ACO2: variants seen among roughly 807,000 people sequenced by gnomAD.
The protein encoded by ACO2 is aconitase 2.
ACO2 carries 31 observed loss-of-function variants against 84.5 expected under a neutral mutation model. The ratio of observed to expected loss-of-function variants is 0.37; its 90% confidence interval spans 0.28 to 0.50. ACO2 has a LOEUF of 0.50. Ranked by LOEUF, ACO2 falls within the 20% of genes least tolerant of loss-of-function variation. The pLI, the probability that ACO2 is intolerant of heterozygous loss-of-function variation, is 0.97. For synonymous variants in ACO2, 414 were observed against 412.7 expected (o/e 1.00, Z -0.04); for missense variants, 685 against 1,029.3 (o/e 0.67, Z 4.58).
intron 1 of ACO2, among the ~76,000 whole-genome samples, chr22:41,480,112 TACCAGGA>T (rs1002287948): frequency 6.6e-6 from 1 of 152,232 alleles, no homozygotes; most frequent in Non-Finnish European, 1.5e-5. Context: ...AGGCATCGCC[TACCAGGA>T]GGGGGAGAAA....
intron 2 of ACO2, among the ~76,000 whole-genome samples, chr22:41,504,172 C>T (rs1043687605): frequency 6.6e-6 from 1 of 152,234 alleles, no homozygotes; most frequent in Non-Finnish European, 1.5e-5. Context: ...GCTGAGACCA[C>T]ACCACAGCAC....
intron 7 of ACO2, among the ~76,000 whole-genome samples, chr22:41,518,258 A>AGC (rs2066491381): frequency 6.6e-6 from 1 of 152,198 alleles, no homozygotes; most frequent in Non-Finnish European, 1.5e-5. Flanking sequence ...CCCGGCTCTG[A>AGC]ACCTTAGCTG....
intron 2 of ACO2, 44 bp from the exon 3 acceptor site, chr22:41,507,747 C>G: frequency 6.3e-7 from 1 of 1,584,370 alleles, no homozygotes; most frequent in Non-Finnish European, 8.6e-7. Flanking sequence ...GGGAGGAGGC[C>G]GTGCAGCTAG....
At chr22:41,488,267 C>T (rs1288332290) in intron 1 of ACO2, among the ~76,000 whole-genome samples, 2 of 152,180 alleles carry the variant, frequency 1.3e-5, no homozygotes, top group Non-Finnish European at 2.9e-5. Context: ...GGGACGTGGG[C>T]ATGTCAAGAT....
chr22:41,513,462 T>C (rs2066451855), intron 4 of ACO2, among the ~76,000 whole-genome samples: 1 of 152,218 alleles, frequency 6.6e-6, no homozygotes, highest in Admixed American at 6.5e-5. Context: ...CCTGAACCCC[T>C]TTCCCTCTGG....
chr22:41,510,283 C>T (rs2066424434), intron 3 of ACO2, among the ~76,000 whole-genome samples: 1 of 152,216 alleles, frequency 6.6e-6, no homozygotes, highest in Non-Finnish European at 1.5e-5. Flanking sequence ...TCCTCCCACA[C>T]CCCTTCCTCA....
intron 2 of ACO2, among the ~76,000 whole-genome samples, chr22:41,501,759 C>T (rs141357795): frequency 6.6e-6 from 1 of 152,094 alleles, no homozygotes; most frequent in East Asian, 1.9e-4. Context: ...TAACCACTAC[C>T]CCATACTCCC....
At chr22:41,516,835 G>T (rs1200951321) in intron 6 of ACO2, among the ~76,000 whole-genome samples, 1 of 152,120 alleles carries the variant, frequency 6.6e-6, no homozygotes, top group East Asian at 1.9e-4. Context: ...CAATTCTCCG[G>T]TCTCAGCCTC....
intron 17 of ACO2, 40 bp downstream of exon 17, chr22:41,528,062 G>T: frequency 5.0e-6 from 8 of 1,613,190 alleles, no homozygotes; most frequent in Non-Finnish European, 6.8e-6. Context: ...GGGGTGAGGG[G>T]CAGCCACCTT....
chr22:41,487,747 C>T (rs187993590), intron 1 of ACO2, among the ~76,000 whole-genome samples: 57 of 152,058 alleles, frequency 3.7e-4, no homozygotes, highest in Admixed American at 1.8e-3. Context: ...GATGAGAATC[C>T]ACCTGCCTGC....
intron 1 of ACO2, among the ~76,000 whole-genome samples, chr22:41,470,044 T>G (rs949453663): frequency 5.9e-5 from 9 of 152,244 alleles, no homozygotes; most frequent in Admixed American, 2.6e-4. Flanking sequence ...AATAAGTTGC[T>G]TGTCAAATAT....
chr22:41,483,086 G>A (rs1482060478), intron 1 of ACO2, among the ~76,000 whole-genome samples: 1 of 152,198 alleles, frequency 6.6e-6, no homozygotes, highest in Admixed American at 6.5e-5. Context: ...CAGCCCCTTT[G>A]TTCCCCAGAA....
At chr22:41,481,985 A>G (rs169361) in intron 1 of ACO2, among the ~76,000 whole-genome samples, 125,306 of 152,216 alleles carry the variant, frequency 0.82, 52,639 homozygotes, top group African/African-American at 0.95. Flanking sequence ...ACCTGTAGTA[A>G]TCCCACTTGG....
intron 4 of ACO2, 27 bp downstream of exon 4, chr22:41,511,995 C>T (rs376971015): frequency 3.2e-6 from 5 of 1,576,390 alleles, no homozygotes; most frequent in Middle Eastern, 3.4e-4. Flanking sequence ...TCTGCCGTCC[C>T]AAGGGCCCAA....
intron 1 of ACO2, among the ~76,000 whole-genome samples, chr22:41,488,042 C>G (rs2066243629): frequency 6.6e-6 from 1 of 152,156 alleles, no homozygotes; most frequent in South Asian, 2.1e-4. Context: ...CTGATAAAAT[C>G]TTGCCTACTT....
chr22:41,480,507 G>A (rs754470483), intron 1 of ACO2, among the ~76,000 whole-genome samples: 2 of 152,196 alleles, frequency 1.3e-5, no homozygotes, highest in African/African-American at 4.8e-5. Flanking sequence ...AGAAGTAGGC[G>A]GCATAGTGGA....
chr22:41,515,776 G>C lies in ACO2; in HGVS notation c.694G>C (p.Val232Leu), dbSNP rs1301732484. The change falls in exon 6 of 18, where the codon GTG (valine) becomes CTG (leucine). Residue 232 changes from valine (V) to leucine (L), a missense_variant. Val to Leu is a conservative substitution (Grantham distance 32). Around this residue, in one of 5 missense-constraint regions of ACO2, gnomAD observed 92 missense variants for 203.7 expected, o/e 0.45. Transcript: ENST00000216254. The surrounding 1 kb of genome is among the most constrained non-coding windows in gnomAD (Gnocchi z 5.8). Reference sequence around the variant, plus strand: ...GCCCCCTCCTGTCCAGGTGATTGGCGTGAAGCTGACGGGCTCTCTCTCCGG... The same window carrying C: ...GCCCCCTCCTGTCCAGGTGATTGGCCTGAAGCTGACGGGCTCTCTCTCCGG... ...WELKCPKVIG[V>L]KLTGSLSGWS... is the part of the protein sequence containing the mutation. 6.2e-7 allele frequency: 1 copy of C among 1,613,402 alleles called. No homozygotes were observed. The highest frequency in any genetic ancestry group is 1.3e-5 in the African/African-American group (1 of 74,908).
At position 41,471,383 on chromosome 22, in the gene ACO2, G is replaced by C. The variant is rs1333005199; in HGVS notation, c.36+2201G>C. Among the ~76,000 whole-genome samples, 5 of 152,122 alleles carry C rather than the reference G, an allele frequency of 3.3e-5. No homozygotes were observed. The South Asian group carries it at 8.3e-4, about 25-fold the overall frequency. On this transcript the variant is annotated intron_variant, in intron 1 of 17. Transcript: ENST00000216254. ...GCTGTCTCAAATAACCAACTAACAC[G>C]GTTTCTCTGAGAAGCTTGTATATTT...
intron 1 of ACO2, among the ~76,000 whole-genome samples, chr22:41,482,847 A>G (rs1453414526): frequency 6.6e-6 from 1 of 152,260 alleles, no homozygotes; most frequent in Non-Finnish European, 1.5e-5. Flanking sequence ...ACAGCTTGTA[A>G]GGGGCAGAGC....
Sources: allele counts gnomAD v4.1 joint callset (sites outside exome capture counted in the v4.1 genomes callset), GRCh38; gene constraint gnomAD v4.1.1; regional missense constraint gnomAD v4.1.1; non-coding constraint Gnocchi (gnomAD v3.1); transcripts MANE v1.5; gene names NCBI Gene and HGNC (gene_info 2026-07-23, HGNC 2026-07-21).